TSPAN11: variants seen among roughly 807,000 people sequenced by gnomAD.
The protein encoded by TSPAN11 is tetraspanin-11.
A neutral mutation model predicts 32.9 loss-of-function variants in TSPAN11; 29 were observed. The ratio of observed to expected loss-of-function variants is 0.88; its 90% CI spans 0.66 to 1.20. The LOEUF (loss-of-function observed/expected upper bound fraction) is 1.20, where lower values mean the gene tolerates loss of function less well. Ranked by LOEUF, TSPAN11 falls within the 50% of genes most tolerant of loss-of-function variation. The probability of loss-of-function intolerance (pLI) is 0.00; values close to 1 mark genes in which losing one functional copy is unlikely to be tolerated. For synonymous variants in TSPAN11, 140 were observed against 141.3 expected (o/e 0.99, Z 0.07); for missense variants, 283 against 329.1 (o/e 0.86, Z 1.08).
At position 30,972,795 on chromosome 12, in the gene TSPAN11, C is replaced by T. The variant is rs75645465; in HGVS notation, c.277-5766C>T. On this transcript the variant is annotated intron_variant, in intron 3 of 7. Coordinates refer to ENST00000546076, the MANE Select transcript of TSPAN11 (RefSeq NM_001370302.1). Reference sequence around the variant, plus strand: ...TGCCATTCTTGGCAAAGAGGAAAGCCGGCTGCGCAGGGGGGAGGTGGGGGG... The same window carrying T: ...TGCCATTCTTGGCAAAGAGGAAAGCTGGCTGCGCAGGGGGGAGGTGGGGGG... Among the ~76,000 whole-genome samples, 1,104 of 134,698 alleles carry T rather than the reference C, an allele frequency of 8.2e-3. 24 individuals carry two copies. The highest frequency in any genetic ancestry group is 0.08 in the East Asian group (362 of 4,528). 88.4% of individuals were successfully genotyped at this position (134,698 alleles called of 152,430 possible).
At chr12:30,978,264 A>T in intron 3 of TSPAN11, 1 of 385,142 alleles carries the variant, frequency 2.6e-6, no homozygotes, top group Non-Finnish European at 4.7e-6. Context: ...TCCCACCATC[A>T]ATAACTTTGA....
At chr12:30,928,498 C>T (rs766311969) in intron 1 of TSPAN11, among the ~76,000 whole-genome samples, 11 of 152,166 alleles carry the variant, frequency 7.2e-5, no homozygotes, top group Non-Finnish European at 1.5e-4. Context: ...CATGCACAGA[C>T]GGCACCGAAT....
the TSPAN11 span, among the ~76,000 whole-genome samples, chr12:31,011,714 T>G: frequency 6.6e-6 from 1 of 151,998 alleles, no homozygotes; most frequent in East Asian, 1.9e-4. Context: ...CCATTGGTGA[T>G]TCCATGAAAC....
At chr12:31,010,760 C>T in the TSPAN11 span, among the ~76,000 whole-genome samples, 1 of 152,102 alleles carries the variant, frequency 6.6e-6, no homozygotes, top group Non-Finnish European at 1.5e-5. Context: ...TATGCCAATG[C>T]ACTCCAGCCT....
At chr12:30,932,532 G>A (rs950970560) in intron 1 of TSPAN11, among the ~76,000 whole-genome samples, 4 of 152,198 alleles carry the variant, frequency 2.6e-5, no homozygotes, top group Admixed American at 1.3e-4. Context: ...AGGTCTCTGC[G>A]ACTGTGCTGG....
intron 1 of TSPAN11, among the ~76,000 whole-genome samples, chr12:30,932,025 G>A (rs1937943309): frequency 6.6e-6 from 1 of 151,392 alleles, no homozygotes; most frequent in Admixed American, 6.6e-5. Context: ...TTTCAGGAAG[G>A]AGCTCATGAG....
chr12:30,969,024 G>A (rs1938794829), intron 3 of TSPAN11, among the ~76,000 whole-genome samples: 1 of 152,210 alleles, frequency 6.6e-6, no homozygotes, highest in Non-Finnish European at 1.5e-5. Context: ...GTCCTGGGAA[G>A]CAAGTCACCA....
chr12:30,967,917 AGCCC>A (rs1481973519), intron 3 of TSPAN11, among the ~76,000 whole-genome samples: 4 of 151,964 alleles, frequency 2.6e-5, no homozygotes, highest in Admixed American at 6.6e-5. Flanking sequence ...CTGGCCCAAC[AGCCC>A]GTGAAGCATC....
intron 2 of TSPAN11, among the ~76,000 whole-genome samples, chr12:30,963,409 G>T (rs1938654640): frequency 6.6e-6 from 1 of 152,274 alleles, no homozygotes; most frequent in Admixed American, 6.5e-5. Context: ...CCCCACCAGG[G>T]AAGTGCGGAC....
At chr12:30,977,455 C>T (rs574691236) in intron 3 of TSPAN11, among the ~76,000 whole-genome samples, 1 of 152,272 alleles carries the variant, frequency 6.6e-6, no homozygotes, top group South Asian at 2.1e-4. Flanking sequence ...CGGGCAGTGC[C>T]CGGGGGCAGC....
intron 1 of TSPAN11, among the ~76,000 whole-genome samples, chr12:30,950,323 T>C (rs1177692555): frequency 6.6e-6 from 1 of 152,238 alleles, no homozygotes; most frequent in African/African-American, 2.4e-5. Flanking sequence ...CTAGAATCTG[T>C]ATCCCTAATT....
At chr12:30,991,411 A>G (rs1003537532) in intron 7 of TSPAN11, among the ~76,000 whole-genome samples, 7 of 152,206 alleles carry the variant, frequency 4.6e-5, no homozygotes, top group South Asian at 2.1e-4. Flanking sequence ...AGTCCACTTC[A>G]GACAGCTCTG....
intron 5 of TSPAN11, among the ~76,000 whole-genome samples, chr12:30,980,834 G>C (rs1351933520): frequency 6.6e-6 from 1 of 152,192 alleles, no homozygotes; most frequent in Non-Finnish European, 1.5e-5. Flanking sequence ...AGCACACACT[G>C]CTGGCCAGCC....
downstream of TSPAN11, among the ~76,000 whole-genome samples, chr12:31,001,131 G>A (rs1247987242): frequency 6.6e-6 from 1 of 152,160 alleles, no homozygotes; most frequent in African/African-American, 2.4e-5. Context: ...CATCACATTT[G>A]GGCTGAAAAC....
chr12:30,946,352 CTGAGACT>C (rs759031835), intron 1 of TSPAN11, among the ~76,000 whole-genome samples: 1 of 152,202 alleles, frequency 6.6e-6, no homozygotes, highest in Non-Finnish European at 1.5e-5. Flanking sequence ...CCAGATAATT[CTGAGACT>C]TGCTCAGGAG....
Position 30,954,044 on chromosome 12 carries a change from A to G in TSPAN11, c.53A>G (p.Tyr18Cys), listed in dbSNP as rs758984867. ...QDDWLIIYLK[Y>C]LLFVFNFFFW... Reference sequence around the variant, plus strand: ...GACTGGCTGATCATCTACTTGAAGTATTTACTCTTTGTCTTCAACTTCTTC... The same window carrying G: ...GACTGGCTGATCATCTACTTGAAGTGTTTACTCTTTGTCTTCAACTTCTTC... The change falls in exon 2 of 8, where the codon TAT becomes TGT. Residue 18 changes from tyrosine (Y) to cysteine (C), a missense_variant. Tyr to Cys is a radical substitution (Grantham distance 194). Transcript: ENST00000546076. 6.2e-7 allele frequency: 1 copy of G among 1,613,646 alleles called. No homozygotes were observed. The highest frequency in any genetic ancestry group is 8.5e-7 in the Non-Finnish European group (1 of 1,179,862).
At chr12:30,974,672 C>T (rs1938923761) in intron 3 of TSPAN11, among the ~76,000 whole-genome samples, 1 of 152,206 alleles carries the variant, frequency 6.6e-6, no homozygotes, top group Admixed American at 6.5e-5. Flanking sequence ...CAGAAGCAAC[C>T]TCAGATGTGG....
At chr12:30,930,071 T>C (rs1226600215) in intron 1 of TSPAN11, among the ~76,000 whole-genome samples, 1 of 152,180 alleles carries the variant, frequency 6.6e-6, no homozygotes, top group East Asian at 1.9e-4. Flanking sequence ...GACCCTCTGT[T>C]CATTCCATTG....
chr12:30,966,039 T>G (rs1938725744), intron 3 of TSPAN11, among the ~76,000 whole-genome samples: 1 of 150,244 alleles, frequency 6.7e-6, no homozygotes, highest in Non-Finnish European at 1.5e-5. Flanking sequence ...TTTTTTTAGC[T>G]GATCAGCTGT....
Sources: gnomAD v4.1 joint callset for allele counts (sites outside exome capture counted in the v4.1 genomes callset) on GRCh38, gnomAD v4.1.1 for gene constraint, MANE v1.5 for transcripts, NCBI Gene and HGNC (gene_info 2026-07-23, HGNC 2026-07-21) for gene names.